Variants in TSC22D2 observed in about 807,000 individuals in gnomAD.
The protein encoded by TSC22D2 is TSC22 domain family member 2.
TSC22D2 carries 5 observed loss-of-function variants against 50.1 expected under a neutral mutation model. That is an observed-to-expected ratio of 0.10 (90% CI 0.05 to 0.21). TSC22D2 has a LOEUF of 0.21. Ranked by LOEUF, TSC22D2 falls within the 10% of genes least tolerant of loss-of-function variation. The pLI is 1.00. For missense variants in TSC22D2, 1,003 were observed against 1,015.5 expected, an observed-to-expected ratio of 0.99 and a Z score of 0.17; for synonymous variants, 501 against 450.1, an observed-to-expected ratio of 1.11 and a Z score of -1.43.
At chr3:150,417,827 T>C (rs1048650170) in intron 1 of TSC22D2, among the ~76,000 whole-genome samples, 11 of 152,062 alleles carry the variant, frequency 7.2e-5, no homozygotes, top group African/African-American at 2.4e-4. Context: ...ATGGATGTAG[T>C]CAGAAAAAAG....
At chr3:150,422,148 G>A (rs1387454714) in intron 1 of TSC22D2, among the ~76,000 whole-genome samples, 8 of 152,218 alleles carry the variant, frequency 5.3e-5, no homozygotes, top group Admixed American at 5.2e-4. Context: ...AACTGCTGCT[G>A]TTCTGCTACA....
chr3:150,442,416 A>AATAATGTT (rs1270235376), intron 1 of TSC22D2, among the ~76,000 whole-genome samples: 1 of 152,220 alleles, frequency 6.6e-6, no homozygotes, highest in East Asian at 1.9e-4. Context: ...GGTGTCTGAA[A>AATAATGTT]ATAATGTTAG....
intron 1 of TSC22D2, among the ~76,000 whole-genome samples, chr3:150,440,425 A>G (rs1172866648): frequency 6.6e-6 from 1 of 151,780 alleles, no homozygotes; most frequent in East Asian, 1.9e-4. Context: ...CAGGTTTAAT[A>G]CTTATGAATA....
intron 1 of TSC22D2, among the ~76,000 whole-genome samples, chr3:150,447,813 T>G (rs965843830): frequency 6.6e-6 from 1 of 152,228 alleles, no homozygotes; most frequent in Non-Finnish European, 1.5e-5. Context: ...GAGGTACCAG[T>G]GTACATCTAA....
rs1468850693 is a variant in TSC22D2, at chr3:150,410,514, G to A, written c.1164G>A (p.Leu388=). The A allele has an allele frequency of 5.0e-6, 8 of 1,589,772 alleles. No individual in the cohort carries two copies. Among genetic ancestry groups the A allele is most frequent in the Non-Finnish European group, 6.0e-6 (7 of 1,169,732 alleles). ...SEYLQQHVAG[L]QPPSPAQPSS... is the part of the protein sequence containing the mutation. ...ACCTGCAGCAGCACGTGGCCGGCCT[G>A]CAGCCGCCAAGCCCCGCGCAGCCCT... The change falls in exon 1 of 3, where the codon CTG becomes CTA. Residue 388 remains leucine, a synonymous_variant. Transcript: ENST00000688009.
intron 1 of TSC22D2, among the ~76,000 whole-genome samples, chr3:150,431,943 G>A (rs1272764202): frequency 6.6e-6 from 1 of 152,096 alleles, no homozygotes; most frequent in Non-Finnish European, 1.5e-5. Context: ...ATCACCACTT[G>A]GGTTTGCAAA....
At chr3:150,426,759 A>G (rs2108074627) in intron 1 of TSC22D2, among the ~76,000 whole-genome samples, 1 of 152,314 alleles carries the variant, frequency 6.6e-6, no homozygotes, top group South Asian at 2.1e-4. Context: ...TAAGGAAAGT[A>G]GTAGACATGG....
intron 1 of TSC22D2, among the ~76,000 whole-genome samples, chr3:150,454,646 A>G (rs948519406): frequency 1.3e-5 from 2 of 152,208 alleles, no homozygotes; most frequent in Non-Finnish European, 2.9e-5. Flanking sequence ...TGCATGCTAA[A>G]GTTTGAGACC....
rs74860050 is a variant in TSC22D2 at position 150,460,790 on chromosome 3, A to T, written c.*2154A>T. The T allele has an allele frequency of 2.0e-5, 3 of 151,538 alleles. No homozygotes were observed. The highest frequency in any genetic ancestry group is 4.8e-5 in the African/African-American group (2 of 41,248). 9.4% of individuals were successfully genotyped at this position (151,538 alleles called of 1,614,324 possible). A position where few individuals can be genotyped will look rare whatever the true frequency, so the allele number is the denominator to read the frequency against. ...AGGTGGAGAAAAACTAGTCTTAGAA[A>T]TGGGATTTTTGTGAAAATAGATTCC... On this transcript the variant is annotated 3_prime_UTR_variant, in exon 3 of 3. Transcript: ENST00000688009.
chr3:150,461,832 G>A lies in TSC22D2; in HGVS notation c.*3196G>A, dbSNP rs1721423421. ...ATATTTCTCCAAGTTGCAAACTCCA[G>A]TAATTCATGGACCTTTTTTTAAAAA... On this transcript the variant is annotated 3_prime_UTR_variant, in exon 3 of 3. Transcript: ENST00000688009. The A allele has an allele frequency of 7.0e-6, 1 of 143,530 alleles. No individual in the cohort carries two copies. The highest frequency in any genetic ancestry group is 2.6e-5 in the African/African-American group (1 of 38,582). The allele number at this position is 143,530 out of a possible 1,614,324, so 8.9% of individuals were successfully genotyped here.
intron 1 of TSC22D2, among the ~76,000 whole-genome samples, chr3:150,456,037 T>C (rs1018578873): frequency 1.2e-4 from 18 of 152,168 alleles, no homozygotes; most frequent in African/African-American, 4.3e-4. Flanking sequence ...TATTTGAACT[T>C]GGAATGTGCT....
At chr3:150,415,972 A>G (rs1719781070) in intron 1 of TSC22D2, among the ~76,000 whole-genome samples, 1 of 152,250 alleles carries the variant, frequency 6.6e-6, no homozygotes, top group Non-Finnish European at 1.5e-5. Flanking sequence ...CAGCCCCACC[A>G]ATCAAGTAGT....
intron 1 of TSC22D2, among the ~76,000 whole-genome samples, chr3:150,443,167 C>T (rs1362454472): frequency 6.6e-6 from 1 of 152,180 alleles, no homozygotes; most frequent in Non-Finnish European, 1.5e-5. Context: ...CCAGTGATGT[C>T]TTACTTTTGC....
Position 150,419,729 on chromosome 3 carries a change from A to G in TSC22D2, c.1958+8421A>G, listed in dbSNP as rs891267337. Among the ~76,000 whole-genome samples the G allele has an allele frequency of 4.6e-5, 7 of 152,284 alleles. No individual in the cohort carries two copies. The East Asian group carries it at 1.2e-3, about 25-fold the overall frequency. On this transcript the variant is annotated intron_variant, in intron 1 of 2. Transcript: ENST00000688009. Reference sequence around the variant, plus strand: ...TCATTTTCTGATGTAGTATTTTCACATACTTGGAAATTAATGTGATGGACT... The same window carrying G: ...TCATTTTCTGATGTAGTATTTTCACGTACTTGGAAATTAATGTGATGGACT...
chr3:150,439,105 A>G (rs1051916982), intron 1 of TSC22D2, among the ~76,000 whole-genome samples: 3 of 152,194 alleles, frequency 2.0e-5, no homozygotes, highest in African/African-American at 7.2e-5. Flanking sequence ...GCAGATGAAG[A>G]AAAGGAGTCT....
Position 150,409,590 on chromosome 3 carries a change from T to G in TSC22D2, c.240T>G (p.Thr80=). The part of the protein sequence containing the change: ...ETLNNVGDAE[T]PGTVSPNLLL... ...TTAACAATGTTGGGGATGCGGAGAC[T>G]CCCGGGACCGTCTCCCCAAACCTCC... is the stretch of plus-strand genomic sequence containing the variant. The change falls in exon 1 of 3, where the codon ACT becomes ACG. Residue 80 remains threonine, a synonymous_variant. Transcript: ENST00000688009. This position sits in a 1 kb window ranked among gnomAD's most constrained non-coding sequence, Gnocchi z 7.4. The G allele has an allele frequency of 6.2e-7, 1 of 1,601,452 alleles. No individual in the cohort carries two copies. Among genetic ancestry groups the G allele is most frequent in the Non-Finnish European group, 8.5e-7 (1 of 1,170,628 alleles).
chr3:150,425,487 A>G (rs1643688168), intron 1 of TSC22D2, among the ~76,000 whole-genome samples: 1 of 152,204 alleles, frequency 6.6e-6, no homozygotes, highest in Non-Finnish European at 1.5e-5. Context: ...TTGCACTCCA[A>G]CCTGGGTGAC....
At chr3:150,457,152 C>G (rs1721216274) in intron 2 of TSC22D2, 25 bp downstream of exon 2, 2 of 1,601,602 alleles carry the variant, frequency 1.2e-6, no homozygotes, top group Admixed American at 3.4e-5. Flanking sequence ...ACAGTTCTCC[C>G]ATTTCATAGA....
At chr3:150,428,440 G>A (rs906721466) in intron 1 of TSC22D2, among the ~76,000 whole-genome samples, 17 of 151,992 alleles carry the variant, frequency 1.1e-4, no homozygotes, top group African/African-American at 2.9e-4. Context: ...ACCTCAGGGC[G>A]TGGTTATGTT....
Sources: gnomAD v4.1 joint callset for allele counts (sites outside exome capture counted in the v4.1 genomes callset) on GRCh38, gnomAD v4.1.1 for gene constraint, Gnocchi (gnomAD v3.1) non-coding constraint, MANE v1.5 for transcripts, NCBI Gene and HGNC (gene_info 2026-07-23, HGNC 2026-07-21) for gene names.